MAD1L1: variants seen among roughly 807,000 people sequenced by gnomAD.
MAD1L1 encodes the protein mitotic arrest deficient 1 like 1.
MAD1L1 carries 95 observed loss-of-function variants against 96.9 expected under a neutral mutation model. The observed-to-expected ratio is 0.98, with a 90% CI of 0.83 to 1.16. The LOEUF (loss-of-function observed/expected upper bound fraction) is 1.16. MAD1L1 is among the 50% of genes most tolerant of loss of function. The pLI, the probability that MAD1L1 is intolerant of heterozygous loss-of-function variation, is 0.00. For missense variants in MAD1L1, 1,007 were observed against 954.4 expected (o/e 1.06, Z -0.73); for synonymous variants, 473 against 396.6 (o/e 1.19, Z -2.29).
At chr7:1,890,119 T>TG (rs1786444487) in intron 18 of MAD1L1, among the ~76,000 whole-genome samples, 1 of 152,232 alleles carries the variant, frequency 6.6e-6, no homozygotes, top group African/African-American at 2.4e-5. Flanking sequence ...GTCTCACTCC[T>TG]GGACCACACG....
intron 15 of MAD1L1, among the ~76,000 whole-genome samples, chr7:1,978,738 T>C (rs1017423617): frequency 6.6e-6 from 1 of 151,876 alleles, no homozygotes; most frequent in East Asian, 1.9e-4. Flanking sequence ...CGACAGAGCC[T>C]CTAGGTGAAG....
At chr7:1,898,598 C>T (rs1787045193) in intron 17 of MAD1L1, among the ~76,000 whole-genome samples, 1 of 152,172 alleles carries the variant, frequency 6.6e-6, no homozygotes, top group Non-Finnish European at 1.5e-5. Context: ...GGCTGACCCT[C>T]TGGTGGTGGC....
intron 18 of MAD1L1, among the ~76,000 whole-genome samples, chr7:1,832,617 G>GT (rs1554266480): frequency 0.02 from 987 of 48,912 alleles, 234 homozygotes; most frequent in African/African-American, 0.1. Flanking sequence ...TCATTGCTGT[G>GT]TTTTTTTTTT....
At chr7:2,196,294 C>A (rs919188324) in intron 10 of MAD1L1, among the ~76,000 whole-genome samples, 1 of 152,224 alleles carries the variant, frequency 6.6e-6, no homozygotes, top group Non-Finnish European at 1.5e-5. Context: ...AAAGTGAAGA[C>A]CCTCTTGAGA....
intron 18 of MAD1L1, among the ~76,000 whole-genome samples, chr7:1,827,498 T>G (rs1293830626): frequency 1.1e-3 from 129 of 118,028 alleles, no homozygotes; most frequent in Admixed American, 3.7e-3. Context: ...CCTGAGCCCG[T>G]CCCGGGTGTG....
intron 18 of MAD1L1, among the ~76,000 whole-genome samples, chr7:1,876,517 T>C (rs1482873093): frequency 6.6e-6 from 1 of 152,020 alleles, no homozygotes; most frequent in Admixed American, 6.6e-5. Context: ...TGATTGCAGC[T>C]AAATTAATTA....
chr7:1,887,099 G>A (rs894170008), intron 18 of MAD1L1, among the ~76,000 whole-genome samples: 5 of 152,256 alleles, frequency 3.3e-5, no homozygotes, highest in Non-Finnish European at 5.9e-5. Flanking sequence ...CTCAGGCTAG[G>A]GGGGCTCCGG....
At chr7:2,188,120 A>G (rs1791548101) in intron 10 of MAD1L1, among the ~76,000 whole-genome samples, 1 of 152,248 alleles carries the variant, frequency 6.6e-6, no homozygotes, top group South Asian at 2.1e-4. Context: ...GATGTTACAT[A>G]ACCATGCATG....
In MAD1L1 at chr7:1,936,780, G is replaced by A. The variant is rs752885094; in HGVS notation, c.1714C>T (p.Arg572Cys). ...SQLQAECERL[R>C]GLLRAMERGG... The stretch of plus-strand genomic sequence containing the variant: ...CTCTCCATGGCGCGCAGGAGCCCGC[G>A]CAGTCGCTCGCACTCCGCCTGCAGC... The change falls in exon 17 of 19, where the codon CGC becomes TGC. Residue 572 changes from arginine (R) to cysteine (C), a missense_variant. Transcript: ENST00000265854. 43 of 1,578,564 alleles carry A rather than the reference G, an allele frequency of 2.7e-5. No individual in the cohort carries two copies. The highest frequency in any genetic ancestry group is 1.7e-4 in the Middle Eastern group (1 of 6,004).
At chr7:2,217,788 T>A (rs894006154) in intron 7 of MAD1L1, among the ~76,000 whole-genome samples, 174 bp downstream of exon 7, 23 of 152,250 alleles carry the variant, frequency 1.5e-4, no homozygotes, top group African/African-American at 5.3e-4. Context: ...CGGAAGCATC[T>A]GCCTCATTCA....
intron 11 of MAD1L1, chr7:2,079,922 G>C (rs955770953): frequency 5.4e-6 from 2 of 369,464 alleles, no homozygotes; most frequent in African/African-American, 4.3e-5. Flanking sequence ...AAGATAATCC[G>C]GTGCCTGGAG....
chr7:2,187,221 C>T (rs986420541), intron 10 of MAD1L1, among the ~76,000 whole-genome samples: 2 of 152,050 alleles, frequency 1.3e-5, no homozygotes, highest in Non-Finnish European at 2.9e-5. Flanking sequence ...TGGTGGCGTA[C>T]ACCTGTGGTC....
intron 16 of MAD1L1, among the ~76,000 whole-genome samples, chr7:1,948,618 A>G (rs1332006345): frequency 6.6e-6 from 1 of 152,192 alleles, no homozygotes. Flanking sequence ...TCCTGGTTCC[A>G]GCAAGGGTCA....
chr7:1,871,016 C>T (rs1313534157), intron 18 of MAD1L1, among the ~76,000 whole-genome samples: 2 of 144,986 alleles, frequency 1.4e-5, no homozygotes, highest in African/African-American at 5.2e-5. Context: ...TAACACCTGC[C>T]ACGCTGAACC....
intron 11 of MAD1L1, among the ~76,000 whole-genome samples, chr7:2,130,496 C>A (rs141765449): frequency 7.4e-4 from 113 of 152,280 alleles, no homozygotes; most frequent in African/African-American, 2.5e-3. Flanking sequence ...AGACCAGCTT[C>A]CCACATAGTC....
At chr7:1,966,792 G>A (rs958477556) in intron 15 of MAD1L1, among the ~76,000 whole-genome samples, 8 of 152,260 alleles carry the variant, frequency 5.3e-5, no homozygotes, top group African/African-American at 1.7e-4. Context: ...GAGGAGGAAC[G>A]CCGCAATCGT....
chr7:1,886,777 G>A (rs1019950418), intron 18 of MAD1L1, among the ~76,000 whole-genome samples: 12 of 152,274 alleles, frequency 7.9e-5, no homozygotes, highest in African/African-American at 2.9e-4. Context: ...TGTGCAGACA[G>A]GCAGAGACCT....
chr7:2,087,055 T>G (rs539122006), intron 11 of MAD1L1, among the ~76,000 whole-genome samples: 1 of 152,174 alleles, frequency 6.6e-6, no homozygotes, highest in Non-Finnish European at 1.5e-5. Flanking sequence ...TCAAACCTCA[T>G]GGAAGCTCTT....
rs556692483 is a variant in MAD1L1, at chr7:2,174,564, C to T, written c.987-25326G>A. 4.6e-5 allele frequency among the ~76,000 whole-genome samples: 7 copies of T among 152,254 alleles called. No individual in the cohort carries two copies. The East Asian group carries it at 1.4e-3, about 29-fold the overall frequency. ...CTTGTTGAATGTGGTCCACAGAACCCGATCCTCAGAGTGTATTCCGTTTCT... is the reference window on the plus strand; with the variant it reads ...CTTGTTGAATGTGGTCCACAGAACCTGATCCTCAGAGTGTATTCCGTTTCT... On this transcript the variant is annotated intron_variant, in intron 10 of 18. Coordinates refer to ENST00000265854, the MANE Select transcript of MAD1L1 (RefSeq NM_001013836.2).
Sources: gnomAD v4.1 joint callset for allele counts (sites outside exome capture counted in the v4.1 genomes callset) on GRCh38, gnomAD v4.1.1 for gene constraint, MANE v1.5 for transcripts, NCBI Gene and HGNC (gene_info 2026-07-23, HGNC 2026-07-21) for gene names.